The following ACOT7 variants were observed in gnomAD, a reference collection of about 807,000 sequenced individuals.
ACOT7 encodes acyl-CoA thioesterase 7, also known as cytosolic acyl coenzyme A thioester hydrolase.
In ACOT7, 12 loss-of-function variants were observed where a neutral mutation model predicts 40.2. That is an observed-to-expected ratio of 0.30 (90% CI 0.19 to 0.48). The LOEUF is 0.48. Among genes scored for constraint, ACOT7 ranks in the 20% least tolerant of loss-of-function variants. The probability of loss-of-function intolerance (pLI) is 0.99; values close to 1 mark genes in which losing one functional copy is unlikely to be tolerated. For synonymous variants in ACOT7, 228 were observed against 219.5 expected (o/e 1.04, Z -0.34); for missense variants, 395 against 530.8 (o/e 0.74, Z 2.51).
rs546318921 is a variant in ACOT7 at position 6,326,032 on chromosome 1, A to C, written c.625+1267T>G. Among the ~76,000 whole-genome samples, 110 of 152,234 alleles carry C rather than the reference A, an allele frequency of 7.2e-4. 2 individuals are homozygous for C. The East Asian group carries it at 0.019, about 26-fold the overall frequency. On this transcript the variant is annotated intron_variant, in intron 5 of 8. Coordinates refer to ENST00000361521, the MANE Select transcript of ACOT7 (RefSeq NM_007274.4). ...AGCTGAGTAAGAAACTCAAACACCC[A>C]CCATGACCAGGGTCTCCCAAGGCAT... is the stretch of plus-strand genomic sequence containing the variant.
rs1404446731 is a variant in ACOT7 at position 6,275,395 on chromosome 1, T to A, written c.1014+5707A>T. On this transcript the variant is annotated intron_variant, in intron 8 of 8. Coordinates refer to ENST00000361521, the MANE Select transcript of ACOT7 (RefSeq NM_007274.4). This position sits in a 1 kb window ranked among gnomAD's most constrained non-coding sequence, Gnocchi z 5.6. Reference sequence around the variant, plus strand: ...TGCGTTTTCCCTGAGTTCTTGGAACTCCCCTGGCTATGCATGAGGCAGCTC... The same window carrying A: ...TGCGTTTTCCCTGAGTTCTTGGAACACCCCTGGCTATGCATGAGGCAGCTC... Among the ~76,000 whole-genome samples, 2 of 152,040 alleles carry A rather than the reference T, an allele frequency of 1.3e-5. No individual in the cohort carries two copies. The highest frequency in any genetic ancestry group is 2.9e-5 in the Non-Finnish European group (2 of 68,006).
In ACOT7 at chr1:6,330,009, C is replaced by G. The variant is rs1001864288; in HGVS notation, c.511-2596G>C. Among the ~76,000 whole-genome samples, 1 of 152,222 alleles carries G rather than the reference C, an allele frequency of 6.6e-6. No individual in the cohort carries two copies. The highest frequency in any genetic ancestry group is 1.9e-4 in the East Asian group (1 of 5,176). ...TGCGCTAGACGACTGTGCGCATGGC[C>G]GGCAGCTGGGTTCCTCCAGGGAGAC... On this transcript the variant is annotated intron_variant, in intron 4 of 8. Coordinates refer to ENST00000361521, the MANE Select transcript of ACOT7 (RefSeq NM_007274.4). The surrounding 1 kb of genome is among the most constrained non-coding windows in gnomAD (Gnocchi z 4.6).
In ACOT7 at chr1:6,355,590, C is replaced by T. The variant is rs2148461266; in HGVS notation, c.144-5724G>A. ...TGTGACAAACCAGAGGCCTCCATGG[C>T]CCCCAGAGGAAGAAACTAGCTACTG... is the stretch of plus-strand genomic sequence containing the variant. On this transcript the variant is annotated intron_variant, in intron 1 of 8. Coordinates refer to ENST00000361521, the MANE Select transcript of ACOT7 (RefSeq NM_007274.4). This position sits in a 1 kb window ranked among gnomAD's most constrained non-coding sequence, Gnocchi z 5.0. Among the ~76,000 whole-genome samples the T allele has an allele frequency of 6.6e-6, 1 of 152,328 alleles. No individual in the cohort carries two copies.
chr1:6,307,978 GCAACCAGGCAGAGGGAACCA>G (rs1174110231), intron 6 of ACOT7, among the ~76,000 whole-genome samples: 3 of 146,688 alleles, frequency 2.0e-5, no homozygotes, highest in Non-Finnish European at 4.5e-5. Flanking sequence ...GGAGGAAACT[GCAACCAGGCAGAGGGAACCA>G]CAACCAGGCA....
intron 8 of ACOT7, among the ~76,000 whole-genome samples, chr1:6,280,884 C>T (rs192091963): frequency 6.6e-6 from 1 of 152,224 alleles, no homozygotes; most frequent in African/African-American, 2.4e-5. Flanking sequence ...GCCCAAAGGC[C>T]TACCCGCTGG....
At chr1:6,360,759 C>A in intron 1 of ACOT7, 3 of 1,562,038 alleles carry the variant, frequency 1.9e-6, no homozygotes, top group Admixed American at 1.8e-5. Flanking sequence ...GGCCTCATCC[C>A]TCCAGGCGGG....
intron 8 of ACOT7, among the ~76,000 whole-genome samples, chr1:6,269,544 C>T (rs2148363606): frequency 6.6e-6 from 1 of 152,386 alleles, no homozygotes; most frequent in African/African-American, 2.4e-5. Flanking sequence ...TAATACACAG[C>T]CTGAGGCGGG....
chr1:6,336,889 G>C (rs1050204322), intron 3 of ACOT7, among the ~76,000 whole-genome samples: 1 of 152,200 alleles, frequency 6.6e-6, no homozygotes, highest in African/African-American at 2.4e-5. Flanking sequence ...CGAGACAGAG[G>C]GGGAGATGAG....
intron 6 of ACOT7, among the ~76,000 whole-genome samples, chr1:6,318,086 C>T (rs1013690802): frequency 1.3e-5 from 2 of 151,928 alleles, no homozygotes; most frequent in African/African-American, 4.8e-5. Context: ...GATAGGGTCT[C>T]GTTCTGTTGC....
intron 1 of ACOT7, 26 bp downstream of exon 1, chr1:6,393,231 C>T (rs770704492): frequency 7.9e-6 from 10 of 1,269,816 alleles, no homozygotes; most frequent in Non-Finnish European, 9.9e-6. Context: ...CTGGCCGCTG[C>T]AGGCTGCGCG....
rs1553158667 is a variant in ACOT7 at position 6,323,737 on chromosome 1, A to AAAAT, written c.625+3561_625+3562insATTT. Among the ~76,000 whole-genome samples the AAAAT allele has an allele frequency of 4.4e-3, 169 of 38,396 alleles. 2 individuals are homozygous for AAAAT. Among genetic ancestry groups the AAAAT allele is most frequent in the East Asian group, 6.1e-3 (9 of 1,480 alleles). The allele number at this position is 38,396 out of a possible 152,430, so 25.2% of individuals were successfully genotyped here. A position where few individuals can be genotyped will look rare whatever the true frequency, so the allele number is the denominator to read the frequency against. ...GTCTCAAAAAAAAAAAAAAAAAAAA[A>AAAAT]ATATATATATATATATATATATATA... On this transcript the variant is annotated intron_variant, in intron 5 of 8. Transcript: ENST00000361521.
chr1:6,266,353 C>T (rs1448777836), intron 8 of ACOT7, among the ~76,000 whole-genome samples: 3 of 152,256 alleles, frequency 2.0e-5, no homozygotes, highest in African/African-American at 7.2e-5. Context: ...TGAAGACATA[C>T]ATGGCTACAT....
Position 6,355,223 on chromosome 1 carries a change from G to A in ACOT7, c.144-5357C>T, listed in dbSNP as rs1641711001. ...GTGTAAGCGAATACCCACTCACAGA[G>A]GGCACCCGGCACCACCCACCCAAAC... On this transcript the variant is annotated intron_variant, in intron 1 of 8. Coordinates refer to ENST00000361521, the MANE Select transcript of ACOT7 (RefSeq NM_007274.4). The surrounding 1 kb of genome is among the most constrained non-coding windows in gnomAD (Gnocchi z 5.0). 6.6e-6 allele frequency among the ~76,000 whole-genome samples: 1 copy of A among 152,092 alleles called. No homozygotes were observed. Among genetic ancestry groups the A allele is most frequent in the Non-Finnish European group, 1.5e-5 (1 of 68,018 alleles).
At chr1:6,392,964 C>T (rs1642558571) in intron 1 of ACOT7, among the ~76,000 whole-genome samples, 1 of 152,098 alleles carries the variant, frequency 6.6e-6, no homozygotes, top group Admixed American at 6.5e-5. Flanking sequence ...GACCTCCGCC[C>T]GCCCCGTCCC....
At position 6,294,511 on chromosome 1, in the gene ACOT7, G is replaced by A. The variant is rs191832199; in HGVS notation, c.829+353C>T. The stretch of plus-strand genomic sequence containing the variant: ...GCCTAAATCATGAATCATTAATTCC[G>A]CTCCCAAAATGAAATGTGCTGCCAT... On this transcript the variant is annotated intron_variant, in intron 7 of 8. Coordinates refer to ENST00000361521, the MANE Select transcript of ACOT7 (RefSeq NM_007274.4). The surrounding 1 kb of genome is among the most constrained non-coding windows in gnomAD (Gnocchi z 4.6). Among the ~76,000 whole-genome samples, 419 of 152,276 alleles carry A rather than the reference G, an allele frequency of 2.8e-3. No individual in the cohort carries two copies. Among genetic ancestry groups the A allele is most frequent in the Non-Finnish European group, 4.6e-3 (312 of 68,016 alleles).
chr1:6,357,364 G>A (rs1231221925), intron 1 of ACOT7, among the ~76,000 whole-genome samples: 1 of 152,248 alleles, frequency 6.6e-6, no homozygotes, highest in East Asian at 1.9e-4. Context: ...AAGGTGCACA[G>A]CCAGGTAAGG....
chr1:6,368,515 C>T (rs1402712711), intron 1 of ACOT7, among the ~76,000 whole-genome samples: 4 of 152,292 alleles, frequency 2.6e-5, no homozygotes, highest in South Asian at 2.1e-4. Flanking sequence ...CCTCTCTGCC[C>T]GCACCTCCAT....
intron 7 of ACOT7, among the ~76,000 whole-genome samples, chr1:6,292,999 C>T (rs1370874255): frequency 1.3e-5 from 2 of 151,292 alleles, no homozygotes; most frequent in African/African-American, 4.9e-5. Flanking sequence ...ACGCCATTCT[C>T]CTACCTCAGC....
intron 4 of ACOT7, among the ~76,000 whole-genome samples, 195 bp from the exon 5 acceptor site, chr1:6,327,608 C>T (rs1463978681): frequency 2.0e-5 from 3 of 152,110 alleles, no homozygotes; most frequent in South Asian, 2.1e-4. Context: ...AGAGAGACAA[C>T]CTGGGTCAAG....
Sources: gnomAD v4.1 joint callset for allele counts (sites outside exome capture counted in the v4.1 genomes callset) on GRCh38, gnomAD v4.1.1 for gene constraint, Gnocchi (gnomAD v3.1) non-coding constraint, MANE v1.5 for transcripts, NCBI Gene and HGNC (gene_info 2026-07-23, HGNC 2026-07-21) for gene names.